Variants in DTNB observed in about 807,000 individuals in gnomAD.
DTNB encodes the protein DTN-B.
A neutral mutation model predicts 90.7 loss-of-function variants in DTNB; 63 were observed. The observed-to-expected ratio is 0.69, with a 90% confidence interval of 0.57 to 0.86. The LOEUF (loss-of-function observed/expected upper bound fraction) is 0.86, where lower values mean the gene tolerates loss of function less well. Among genes scored for constraint, DTNB ranks in the 40% least tolerant of loss-of-function variants. The pLI, the probability that DTNB is intolerant of heterozygous loss-of-function variation, is 0.00. For missense variants in DTNB, 744 were observed against 807.1 expected, an observed-to-expected ratio of 0.92 and a Z score of 0.95; for synonymous variants, 277 against 286.7, an observed-to-expected ratio of 0.97 and a Z score of 0.34.
At chr2:25,594,715 T>G (rs986269308) in intron 6 of DTNB, among the ~76,000 whole-genome samples, 4 of 152,198 alleles carry the variant, frequency 2.6e-5, no homozygotes, top group Non-Finnish European at 5.9e-5. Flanking sequence ...GTTCTAAGAT[T>G]ACCAAAAAAT....
intron 16 of DTNB, among the ~76,000 whole-genome samples, chr2:25,395,895 A>T (rs2042237616): frequency 1.3e-5 from 2 of 152,206 alleles, no homozygotes; most frequent in Non-Finnish European, 2.9e-5. Flanking sequence ...TAAAAGGATT[A>T]ATAGACAAGT....
intron 3 of DTNB, among the ~76,000 whole-genome samples, chr2:25,633,433 C>G (rs1305831083): frequency 6.6e-6 from 1 of 152,102 alleles, no homozygotes; most frequent in Non-Finnish European, 1.5e-5. Context: ...CTCGAGGTGC[C>G]GGGATTGCAG....
chr2:25,542,566 C>T (rs548906327), intron 8 of DTNB, among the ~76,000 whole-genome samples: 1 of 152,302 alleles, frequency 6.6e-6, no homozygotes, highest in Admixed American at 6.5e-5. Flanking sequence ...TTACTTCCTA[C>T]AGAATCTGGG....
intron 4 of DTNB, among the ~76,000 whole-genome samples, chr2:25,615,586 C>T (rs942749894): frequency 7.2e-5 from 11 of 152,076 alleles, no homozygotes; most frequent in African/African-American, 2.7e-4. Context: ...AAGATTCTAC[C>T]ACCTATCTAC....
intron 7 of DTNB, among the ~76,000 whole-genome samples, chr2:25,577,369 A>G (rs1425344065): frequency 6.6e-6 from 1 of 152,168 alleles, no homozygotes; most frequent in African/African-American, 2.4e-5. Context: ...ACCAGGAAGC[A>G]GAGGCTGCAG....
chr2:25,452,432 G>T (rs2059413948), intron 11 of DTNB, among the ~76,000 whole-genome samples: 1 of 152,142 alleles, frequency 6.6e-6, no homozygotes, highest in Non-Finnish European at 1.5e-5. Context: ...GATTAATAGG[G>T]ACTGTGGCTA....
At chr2:25,503,539 G>A (rs2071411941) in intron 9 of DTNB, among the ~76,000 whole-genome samples, 1 of 152,092 alleles carries the variant, frequency 6.6e-6, no homozygotes, top group Non-Finnish European at 1.5e-5. Flanking sequence ...TAATAGACAA[G>A]TTCAGCAAAG....
chr2:25,548,537 C>T (rs952590777), intron 8 of DTNB, among the ~76,000 whole-genome samples: 1 of 151,852 alleles, frequency 6.6e-6, no homozygotes, highest in Admixed American at 6.6e-5. Context: ...ATGGGCTCTC[C>T]AAGCAAAAGG....
rs550025107 is a variant in DTNB, at chr2:25,413,321, T to C, written c.1575+6194A>G. 2.0e-5 allele frequency among the ~76,000 whole-genome samples: 3 copies of C among 152,130 alleles called. No homozygotes were observed. The East Asian group carries it at 5.8e-4, about 29-fold the overall frequency. ...AGGGTACATGTGCACAACGTGCAGG[T>C]TTGTTACATATGTATACATCTGCCA... On this transcript the variant is annotated intron_variant, in intron 16 of 20. Coordinates refer to ENST00000406818, the MANE Select transcript of DTNB (RefSeq NM_021907.5).
chr2:25,651,797 G>A (rs1390418632), intron 2 of DTNB, among the ~76,000 whole-genome samples: 1 of 152,126 alleles, frequency 6.6e-6, no homozygotes, highest in African/African-American at 2.4e-5. Flanking sequence ...TCCCAGGCTG[G>A]CTCCCCTCTC....
intron 9 of DTNB, among the ~76,000 whole-genome samples, chr2:25,488,022 T>C (rs2066549797): frequency 6.6e-6 from 1 of 152,224 alleles, no homozygotes; most frequent in East Asian, 1.9e-4. Flanking sequence ...ATGGGAATCC[T>C]CTGAAAAGCT....
chr2:25,399,141 T>C (rs1240850715), intron 16 of DTNB, among the ~76,000 whole-genome samples: 1 of 152,104 alleles, frequency 6.6e-6, no homozygotes, highest in East Asian at 1.9e-4. Context: ...CTCTGCCTCC[T>C]GGGTTCAAAT....
At chr2:25,652,832 CTTTTA>C in intron 1 of DTNB, 171 bp from the exon 2 acceptor site, 1 of 529,918 alleles carries the variant, frequency 1.9e-6, no homozygotes, top group Non-Finnish European at 3.2e-6. Context: ...AACTGCCATC[CTTTTA>C]TTTGATAGCT....
At chr2:25,402,948 A>C (rs1436331944) in intron 16 of DTNB, among the ~76,000 whole-genome samples, 1 of 152,238 alleles carries the variant, frequency 6.6e-6, no homozygotes. Context: ...AGGTGTATTA[A>C]ATTTCTGGGA....
intron 7 of DTNB, 36 bp from the exon 8 acceptor site, chr2:25,577,040 C>A: frequency 6.4e-7 from 1 of 1,553,534 alleles, no homozygotes; most frequent in Non-Finnish European, 8.7e-7. Context: ...GAAAAAAGGG[C>A]AGGAGGGAAG....
intron 8 of DTNB, among the ~76,000 whole-genome samples, chr2:25,540,871 C>T (rs1450146488): frequency 6.6e-6 from 1 of 151,786 alleles, no homozygotes; most frequent in African/African-American, 2.4e-5. Context: ...ATCACCACTC[C>T]CTAATCTCAA....
intron 16 of DTNB, among the ~76,000 whole-genome samples, chr2:25,396,094 A>C (rs2042289687): frequency 6.6e-6 from 1 of 152,252 alleles, no homozygotes. Flanking sequence ...AGTCATAAAA[A>C]GGAACAAAAC....
At chr2:25,569,568 G>A (rs539771479) in intron 8 of DTNB, among the ~76,000 whole-genome samples, 4 of 152,122 alleles carry the variant, frequency 2.6e-5, no homozygotes, top group African/African-American at 9.6e-5. Flanking sequence ...CAGAGAGCAC[G>A]AATTCTCCTC....
At chr2:25,560,842 GC>G (rs1204615714) in intron 8 of DTNB, among the ~76,000 whole-genome samples, 2 of 152,138 alleles carry the variant, frequency 1.3e-5, no homozygotes, top group Non-Finnish European at 2.9e-5. Context: ...CTTGTGTCCA[GC>G]ACTGTGAGAG....
Sources: allele counts gnomAD v4.1 joint callset (sites outside exome capture counted in the v4.1 genomes callset), GRCh38; gene constraint gnomAD v4.1.1; transcripts MANE v1.5; gene names NCBI Gene and HGNC (gene_info 2026-07-23, HGNC 2026-07-21).